CDYL: variants seen among roughly 807,000 people sequenced by gnomAD.
CDYL encodes the protein chromodomain Y like, also known as chromodomain Y-like protein.
Under a neutral mutation model 47.3 loss-of-function variants are expected in CDYL, and 8 were observed. The ratio of observed to expected loss-of-function variants is 0.17; its 90% CI spans 0.10 to 0.31. CDYL has a LOEUF of 0.31. Ranked by LOEUF, CDYL falls within the 10% of genes least tolerant of loss-of-function variation. The pLI is 1.00. For missense variants in CDYL, 471 were observed against 701.4 expected, an observed-to-expected ratio of 0.67 and a Z score of 3.71; for synonymous variants, 266 against 265.0, an observed-to-expected ratio of 1.00 and a Z score of -0.04.
intron 2 of CDYL, among the ~76,000 whole-genome samples, chr6:4,903,865 T>TA (rs1757145102): frequency 6.6e-6 from 1 of 152,220 alleles, no homozygotes; most frequent in East Asian, 1.9e-4. Flanking sequence ...TCCCATGCCA[T>TA]ACACCCATCA....
chr6:4,881,243 C>T lies in CDYL; in HGVS notation c.25-10470C>T, dbSNP rs527510164. On this transcript the variant is annotated intron_variant, in intron 1 of 6. Transcript: ENST00000397588. The stretch of plus-strand genomic sequence containing the variant: ...TTTTTTGGTTTTTGTTCCTCTGTTC[C>T]TCTTTTCCACTTTCTTTGGCTAATA... 8.5e-5 allele frequency among the ~76,000 whole-genome samples: 13 copies of T among 152,072 alleles called. No homozygotes were observed. In the East Asian group the frequency reaches 2.1e-3, roughly 25 times the overall value.
intron 1 of CDYL, among the ~76,000 whole-genome samples, chr6:4,818,010 A>T (rs1759721756): frequency 6.6e-6 from 1 of 152,194 alleles, no homozygotes; most frequent in African/African-American, 2.4e-5. Flanking sequence ...TAATCCCAGA[A>T]CTTTGGGAGG....
intron 3 of CDYL, among the ~76,000 whole-genome samples, chr6:4,763,649 A>AT (rs1012441322): frequency 6.6e-6 from 1 of 152,166 alleles, no homozygotes; most frequent in African/African-American, 2.4e-5. Context: ...TAATAGAATA[A>AT]TTTTTTTGTA....
At chr6:4,904,371 C>T (rs1328349600) in intron 2 of CDYL, among the ~76,000 whole-genome samples, 2 of 152,246 alleles carry the variant, frequency 1.3e-5, no homozygotes, top group Non-Finnish European at 2.9e-5. Flanking sequence ...TCATAAATGG[C>T]ATCTGCCAAG....
At chr6:4,936,514 C>A (rs1049498551) in intron 3 of CDYL, among the ~76,000 whole-genome samples, 1 of 152,228 alleles carries the variant, frequency 6.6e-6, no homozygotes, top group Non-Finnish European at 1.5e-5. Context: ...CATAACAAAC[C>A]AGTTCAAAGT....
At chr6:4,730,503 C>T (rs1488295623) in intron 2 of CDYL, among the ~76,000 whole-genome samples, 2 of 151,788 alleles carry the variant, frequency 1.3e-5, no homozygotes, top group Non-Finnish European at 1.5e-5. Context: ...GGTGAAACCC[C>T]GTCTCTACTA....
chr6:4,895,665 A>G (rs532172451), intron 2 of CDYL, among the ~76,000 whole-genome samples: 2 of 152,076 alleles, frequency 1.3e-5, no homozygotes, highest in East Asian at 1.9e-4. Context: ...TTGGTTGGAG[A>G]CCACCTCCAA....
At position 4,758,577 on chromosome 6, in the gene CDYL, C is replaced by T. The variant is rs910399060; in HGVS notation, c.186+23733C>T. On this transcript the variant is annotated intron_variant, in intron 3 of 8. Transcript: ENST00000328908. ...ACTTGGGAGGCTGAGGCACGAGAAT[C>T]GCTTGAACCCGTGAGGCAGAGGTTG... 5.9e-5 allele frequency among the ~76,000 whole-genome samples: 9 copies of T among 151,686 alleles called. No homozygotes were observed. In the South Asian group the frequency reaches 1.0e-3, roughly 18 times the overall value.
intron 1 of CDYL, among the ~76,000 whole-genome samples, chr6:4,792,114 G>T (rs1306548053): frequency 2.0e-5 from 3 of 149,570 alleles, no homozygotes; most frequent in Non-Finnish European, 3.0e-5. Flanking sequence ...GGATGGTCTC[G>T]ATCTCCTGAC....
Position 4,943,756 on chromosome 6 carries a change from T to A in CDYL, c.1332T>A (p.Ser444=), listed in dbSNP as rs775051909. The stretch of plus-strand genomic sequence containing the variant: ...TTCCCAAGATAATGGGAGGAGCATC[T>A]GTGAGTACCTTTTTAAAAAAAAAAA... ...VMFPKIMGGA[S]ANEMLLSGRK... The change falls in exon 5 of 7, where the codon TCT becomes TCA. Residue 444 remains serine, a splice_region_variant and synonymous_variant. Coordinates refer to ENST00000397588, the MANE Select transcript of CDYL (RefSeq NM_004824.4). 9.2e-6 allele frequency: 14 copies of A among 1,521,894 alleles called. No individual in the cohort carries two copies. In the East Asian group the frequency reaches 3.2e-4, roughly 35 times the overall value. 94.3% of individuals were successfully genotyped at this position (1,521,894 alleles called of 1,614,324 possible).
At chr6:4,830,805 C>T (rs1369598982) in intron 1 of CDYL, among the ~76,000 whole-genome samples, 6 of 142,298 alleles carry the variant, frequency 4.2e-5, no homozygotes, top group Admixed American at 3.0e-4. Flanking sequence ...TTCCTGTGTC[C>T]ATGTGTTTTC....
chr6:4,782,192 A>C (rs1385266994), intron 1 of CDYL, among the ~76,000 whole-genome samples: 1 of 152,136 alleles, frequency 6.6e-6, no homozygotes, highest in Non-Finnish European at 1.5e-5. Context: ...TATTAAAAAC[A>C]TCAGGTAGTT....
At chr6:4,909,918 G>A (rs1013705116) in intron 2 of CDYL, among the ~76,000 whole-genome samples, 4 of 152,190 alleles carry the variant, frequency 2.6e-5, no homozygotes, top group African/African-American at 9.6e-5. Flanking sequence ...TTTGGGGCTG[G>A]CCTTTCATTG....
At chr6:4,911,977 TAC>T (rs1359700428) in intron 2 of CDYL, among the ~76,000 whole-genome samples, 2 of 152,244 alleles carry the variant, frequency 1.3e-5, no homozygotes, top group Non-Finnish European at 2.9e-5. Flanking sequence ...AGGGCAGCCA[TAC>T]TAACCTTTGC....
chr6:4,929,483 A>G (rs1389380130), intron 2 of CDYL, among the ~76,000 whole-genome samples: 1 of 104,588 alleles, frequency 9.6e-6, no homozygotes, highest in Non-Finnish European at 2.0e-5. Flanking sequence ...ATTTCTGCAA[A>G]TGTTTTACTT....
At chr6:4,845,945 A>G (rs1288736242) in intron 1 of CDYL, among the ~76,000 whole-genome samples, 1 of 152,190 alleles carries the variant, frequency 6.6e-6, no homozygotes, top group Non-Finnish European at 1.5e-5. Context: ...GAAAACTGGC[A>G]CAATCTAATT....
At chr6:4,708,198 GAC>G (rs1009331972) in intron 1 of CDYL, among the ~76,000 whole-genome samples, 15 of 151,954 alleles carry the variant, frequency 9.9e-5, no homozygotes, top group African/African-American at 3.4e-4. Flanking sequence ...ATATATTTGA[GAC>G]AGAATCTTGC....
chr6:4,881,370 G>A (rs113706323), intron 1 of CDYL, among the ~76,000 whole-genome samples: 177 of 151,842 alleles, frequency 1.2e-3, no homozygotes, highest in African/African-American at 4.0e-3. Context: ...TTTAGTGATC[G>A]TTGTAGAGTA....
intron 2 of CDYL, among the ~76,000 whole-genome samples, chr6:4,923,230 C>T (rs2127510565): frequency 6.6e-6 from 1 of 152,284 alleles, no homozygotes; most frequent in South Asian, 2.1e-4. Context: ...TCTCCCCCCA[C>T]CCACTACTTC....
Sources: gnomAD v4.1 joint callset for allele counts (sites outside exome capture counted in the v4.1 genomes callset) on GRCh38, gnomAD v4.1.1 for gene constraint, MANE v1.5 for transcripts, NCBI Gene and HGNC (gene_info 2026-07-23, HGNC 2026-07-21) for gene names.